Variants in PLA2R1 observed in about 807,000 individuals in gnomAD.
The protein encoded by PLA2R1 is phospholipase A2 receptor 1.
A neutral mutation model predicts 195.9 loss-of-function variants in PLA2R1; 158 were observed. That is an observed-to-expected ratio of 0.81 (90% CI 0.71 to 0.92). The LOEUF is 0.92. Ranked by LOEUF, PLA2R1 falls within the 40% of genes least tolerant of loss-of-function variation. The pLI is 0.00. For missense variants in PLA2R1, 1,626 were observed against 1,764.6 expected, an observed-to-expected ratio of 0.92 and a Z score of 1.41; for synonymous variants, 586 against 598.2, an observed-to-expected ratio of 0.98 and a Z score of 0.30.
chr2:160,010,734 T>C (rs1377164096), intron 10 of PLA2R1, among the ~76,000 whole-genome samples: 2 of 152,230 alleles, frequency 1.3e-5, no homozygotes, highest in African/African-American at 4.8e-5. Context: ...GTATGGTGAA[T>C]CAAAAGCAGT....
intron 15 of PLA2R1, 30 bp from the exon 16 acceptor site, chr2:159,976,750 G>T (rs1048857385): frequency 6.3e-7 from 1 of 1,589,898 alleles, no homozygotes; most frequent in Admixed American, 1.7e-5. Flanking sequence ...CACTTTGACT[G>T]ATCTTGCTTC....
chr2:160,055,453 C>T (rs1478473710), intron 1 of PLA2R1, among the ~76,000 whole-genome samples: 1 of 152,200 alleles, frequency 6.6e-6, no homozygotes, highest in Non-Finnish European at 1.5e-5. Flanking sequence ...TAGCTTTGCA[C>T]ATTTCTGCTT....
chr2:159,936,654 T>TTA lies in PLA2R1; in HGVS notation c.*5123_*5124insTA, dbSNP rs1437134161. 1.3e-5 allele frequency: 2 copies of TTA among 152,182 alleles called. No homozygotes were observed. The highest frequency in any genetic ancestry group is 4.8e-5 in the African/African-American group (2 of 41,428). The allele number at this position is 152,182 out of a possible 1,614,324, so 9.4% of individuals were successfully genotyped here. A position where few individuals can be genotyped will look rare whatever the true frequency, so the allele number is the denominator to read the frequency against. ...TTCCTTTCAGTTAGGTTAGGTCATG[T>TTA]GACTAGTTCCAGCCAATGACACGCG... is the stretch of plus-strand genomic sequence containing the variant. On this transcript the variant is annotated 3_prime_UTR_variant, in exon 30 of 30. Transcript: ENST00000283243.
chr2:160,012,773 G>C (rs1055937182), intron 10 of PLA2R1, among the ~76,000 whole-genome samples: 1 of 152,004 alleles, frequency 6.6e-6, no homozygotes, highest in Admixed American at 6.6e-5. Flanking sequence ...TTACCAGGGC[G>C]TGGTGGCAGG....
At chr2:159,967,719 G>C (rs1480870343) in intron 19 of PLA2R1, 41 bp from the exon 20 acceptor site, 3 of 1,577,620 alleles carry the variant, frequency 1.9e-6, no homozygotes, top group Non-Finnish European at 2.6e-6. Flanking sequence ...AGGAACAATG[G>C]CGATTCTTTG....
At chr2:159,969,207 A>G (rs768166312) in intron 19 of PLA2R1, 49 bp downstream of exon 19, 6 of 897,062 alleles carry the variant, frequency 6.7e-6, no homozygotes, top group Non-Finnish European at 1.1e-5. Flanking sequence ...AAGCCTCCTG[A>G]AAATTATCAG....
In PLA2R1 at chr2:159,939,316, G is replaced by C. The variant is rs1686983642; in HGVS notation, c.*2462C>G. 1 of 151,876 alleles carries C rather than the reference G, an allele frequency of 6.6e-6. No individual in the cohort carries two copies. Among genetic ancestry groups the C allele is most frequent in the Non-Finnish European group, 1.5e-5 (1 of 67,986 alleles). 9.4% of individuals were successfully genotyped at this position (151,876 alleles called of 1,614,324 possible). A position where few individuals can be genotyped will look rare whatever the true frequency, so the allele number is the denominator to read the frequency against. On this transcript the variant is annotated 3_prime_UTR_variant, in exon 30 of 30. Transcript: ENST00000283243. ...AGATCAGGAGATCGAGACCATCCTG[G>C]ACAACATGGTGAAACCCTGTCTCTA...
intron 13 of PLA2R1, among the ~76,000 whole-genome samples, chr2:159,982,578 T>C (rs111248676): frequency 2.0e-5 from 3 of 152,336 alleles, no homozygotes; most frequent in African/African-American, 7.2e-5. Flanking sequence ...TATTTGACCA[T>C]AAAATCTCCT....
intron 23 of PLA2R1, among the ~76,000 whole-genome samples, chr2:159,952,803 A>T (rs1398111848): frequency 6.6e-6 from 1 of 152,176 alleles, no homozygotes; most frequent in Non-Finnish European, 1.5e-5. Flanking sequence ...TCCTCCGGTC[A>T]TACTCCCCCC....
chr2:160,016,662 AC>A lies in PLA2R1; in HGVS notation c.1502del (p.Cys501LeufsTer50), dbSNP rs1425011940. The A allele has an allele frequency of 1.2e-6, 2 of 1,610,364 alleles. No homozygotes were observed. The highest frequency in any genetic ancestry group is 3.3e-5 in the Admixed American group (2 of 60,004). On this transcript the variant is annotated frameshift_variant, in exon 9 of 30. Coordinates refer to ENST00000283243, the MANE Select transcript of PLA2R1 (RefSeq NM_007366.5). LOFTEE classifies it high-confidence loss of function. ...KNCEERLFYI[C>X]KKAGHVLSDA... The stretch of plus-strand genomic sequence containing the variant: ...CAGAGAGGACATGGCCTGCTTTTTT[AC>A]AAATGTAAAAAAGTCTTTCTTCACA...
intron 10 of PLA2R1, among the ~76,000 whole-genome samples, chr2:160,012,578 C>T (rs1692435021): frequency 6.6e-6 from 1 of 151,910 alleles, no homozygotes; most frequent in African/African-American, 2.4e-5. Flanking sequence ...AAAACACCCC[C>T]ATACAACTCA....
chr2:160,020,271 A>C lies in PLA2R1; in HGVS notation c.1295-8T>G. Reference sequence around the variant, plus strand: ...ATGTTTCTGATGCATTTTCTGTAAGAGATAAATGTAAATTACTTATGGGAT... The same window carrying C: ...ATGTTTCTGATGCATTTTCTGTAAGCGATAAATGTAAATTACTTATGGGAT... On this transcript the variant is annotated splice_polypyrimidine_tract_variant and splice_region_variant and intron_variant, in intron 7 of 29. Transcript: ENST00000283243. 1.3e-6 allele frequency: 2 copies of C among 1,599,902 alleles called. No individual in the cohort carries two copies. The highest frequency in any genetic ancestry group is 1.7e-6 in the Non-Finnish European group (2 of 1,170,820).
rs1410642331 is a variant in PLA2R1 at position 159,937,673 on chromosome 2, TAGTC to T, written c.*4101_*4104del. On this transcript the variant is annotated 3_prime_UTR_variant, in exon 30 of 30. Coordinates refer to ENST00000283243, the MANE Select transcript of PLA2R1 (RefSeq NM_007366.5). ...TTTTCTACAGCTTGTTCTCTGACAATAGTCAGGCAGTGGATGAGATAAATTTTCA... is the reference window on the plus strand; with the variant it reads ...TTTTCTACAGCTTGTTCTCTGACAATAGGCAGTGGATGAGATAAATTTTCA... 4 of 152,232 alleles carry T rather than the reference TAGTC, an allele frequency of 2.6e-5. No individual in the cohort carries two copies. Among genetic ancestry groups the T allele is most frequent in the Non-Finnish European group, 4.4e-5 (3 of 68,038 alleles). The allele number at this position is 152,232 out of a possible 1,614,324, so 9.4% of individuals were successfully genotyped here.
At chr2:160,042,837 GTGTGTA>G (rs1405290455) in intron 2 of PLA2R1, among the ~76,000 whole-genome samples, 3,679 of 70,434 alleles carry the variant, frequency 0.052, 143 homozygotes, top group Admixed American at 0.096. Flanking sequence ...GTGTGTGTGT[GTGTGTA>G]TGTGTGAGAC....
Position 159,976,238 on chromosome 2 carries a change from C to A in PLA2R1, c.2438-13G>T. On this transcript the variant is annotated splice_polypyrimidine_tract_variant and intron_variant, in intron 16 of 29. Transcript: ENST00000283243. ...AGCCAGGGTACATCTGAAAAAGAAA[C>A]AGTGAAAATAATGCTGAAATGATAA... 6.3e-7 allele frequency: 1 copy of A among 1,584,346 alleles called. No individual in the cohort carries two copies. The highest frequency in any genetic ancestry group is 8.6e-7 in the Non-Finnish European group (1 of 1,160,966).
At position 160,032,867 on chromosome 2, in the gene PLA2R1, CT is replaced by C. The variant is rs1052921798; in HGVS notation, c.841+91del. 1.7e-5 allele frequency: 18 copies of C among 1,036,234 alleles called. No individual in the cohort carries two copies. The African/African-American group carries it at 3.0e-4, about 17-fold the overall frequency. The allele number at this position is 1,036,234 out of a possible 1,614,324, so 64.2% of individuals were successfully genotyped here. On this transcript the variant is annotated intron_variant, in intron 4 of 29. Transcript: ENST00000283243. ...TGGAAAGAAAAATATTTTTTAAGAA[CT>C]TTTTGTCAGAATATATTTTTGTATA...
chr2:160,049,060 C>G (rs1677371701), intron 1 of PLA2R1, among the ~76,000 whole-genome samples: 1 of 152,010 alleles, frequency 6.6e-6, no homozygotes, highest in Non-Finnish European at 1.5e-5. Context: ...CCGGGATGGT[C>G]TCGATCTCCT....
At chr2:160,006,108 A>T (rs145325649) in intron 10 of PLA2R1, among the ~76,000 whole-genome samples, 2 of 152,296 alleles carry the variant, frequency 1.3e-5, no homozygotes, top group East Asian at 3.9e-4. Flanking sequence ...ATAGGTGGTA[A>T]AGTTCACATG....
intron 18 of PLA2R1, 81 bp downstream of exon 18, chr2:159,970,067 T>C (rs1689054210): frequency 2.2e-6 from 2 of 890,686 alleles, no homozygotes; most frequent in Non-Finnish European, 3.6e-6. Context: ...TTCAACAAAT[T>C]GATCACTAAA....
Sources: allele counts gnomAD v4.1 joint callset (sites outside exome capture counted in the v4.1 genomes callset), GRCh38; gene constraint gnomAD v4.1.1; transcripts MANE v1.5; gene names NCBI Gene and HGNC (gene_info 2026-07-23, HGNC 2026-07-21).